Variants in HLCS observed in about 807,000 individuals in gnomAD.
HLCS encodes holocarboxylase synthetase.
HLCS carries 53 observed loss-of-function variants against 75.0 expected under a neutral mutation model. That is an observed-to-expected ratio of 0.71 (90% CI 0.57 to 0.89). The LOEUF (loss-of-function observed/expected upper bound fraction) is 0.89, where lower values mean the gene tolerates loss of function less well. HLCS is among the 40% of genes least tolerant of loss of function. The pLI is 0.00. For synonymous variants in HLCS, 431 were observed against 428.6 expected, an observed-to-expected ratio of 1.01 and a Z score of -0.07; for missense variants, 966 against 1,074.0, an observed-to-expected ratio of 0.90 and a Z score of 1.41.
chr21:36,768,687 C>T (rs750867211), intron 6 of HLCS, among the ~76,000 whole-genome samples: 12 of 152,208 alleles, frequency 7.9e-5, no homozygotes, highest in Admixed American at 2.6e-4. Flanking sequence ...CTGGCCTCGC[C>T]GCCCATGTGC....
chr21:36,911,016 C>T (rs2146398162), intron 5 of HLCS, among the ~76,000 whole-genome samples: 1 of 152,356 alleles, frequency 6.6e-6, no homozygotes, highest in Non-Finnish European at 1.5e-5. Context: ...CACTTAGGGA[C>T]ACCCTCGGGC....
chr21:36,966,622 C>T lies in HLCS; in HGVS notation c.17G>A (p.Cys6Tyr), dbSNP rs1411238033. 1.0e-5 allele frequency: 10 copies of T among 983,784 alleles called. No homozygotes were observed. In the South Asian group the frequency reaches 3.7e-4, roughly 37 times the overall value. The allele number at this position is 983,784 out of a possible 1,614,324, so 60.9% of individuals were successfully genotyped here. The change falls in exon 1 of 11, where the codon TGC becomes TAC. Residue 6 changes from cysteine (C) to tyrosine (Y), a missense_variant. By Grantham distance (194) the Cys-to-Tyr change is radical. Transcript: ENST00000674895. The stretch of plus-strand genomic sequence containing the variant: ...CCAGCGCGCCCACAGGTACAGGTAG[C>T]ACAGCGTGATGAGCATGGCCGCGCC... MLITL[C>Y]YLYLWARWGR...
chr21:36,937,863 G>C (rs1188202608), intron 3 of HLCS, among the ~76,000 whole-genome samples: 1 of 152,194 alleles, frequency 6.6e-6, no homozygotes, highest in Non-Finnish European at 1.5e-5. Flanking sequence ...CCAGTATCTT[G>C]TCTCAGGACT....
At chr21:36,960,134 C>T (rs1461892522) in intron 2 of HLCS, among the ~76,000 whole-genome samples, 166 of 9,266 alleles carry the variant, frequency 0.018, 5 homozygotes, top group Admixed American at 0.17. Flanking sequence ...GCCACCCACC[C>T]CCCCCCCCCC....
chr21:36,823,503 C>T (rs949937209), intron 6 of HLCS, among the ~76,000 whole-genome samples: 6 of 152,030 alleles, frequency 3.9e-5, no homozygotes, highest in East Asian at 1.9e-4. Flanking sequence ...GGATGCAAGA[C>T]GACTCAGGAA....
chr21:36,938,695 A>G (rs535443891), intron 3 of HLCS, 137 bp downstream of exon 3: 33 of 812,488 alleles, frequency 4.1e-5, no homozygotes, highest in Admixed American at 3.3e-4. Flanking sequence ...TTTTGGAGAT[A>G]GGGGTCTATG....
chr21:36,978,075 G>T lies in HLCS; in HGVS notation c.-393+12083C>A, dbSNP rs1279171849. 2.0e-5 allele frequency among the ~76,000 whole-genome samples: 3 copies of T among 152,170 alleles called. No individual in the cohort carries two copies. The East Asian group carries it at 5.8e-4, about 29-fold the overall frequency. ...TTTTCCTCAACTGGTCAATCATGGT[G>T]CCAGAAATCCCAACCACTTGAAGTG... On this transcript the variant is annotated intron_variant, in intron 1 of 11. Transcript: ENST00000336648.
chr21:36,764,932 G>C, intron 8 of HLCS, 80 bp downstream of exon 8: 1 of 1,478,256 alleles, frequency 6.8e-7, no homozygotes, highest in East Asian at 2.3e-5. Flanking sequence ...CACCAATTAT[G>C]CAAGCACATG....
intron 6 of HLCS, among the ~76,000 whole-genome samples, chr21:36,890,581 A>G (rs1038368131): frequency 6.6e-6 from 1 of 152,136 alleles, no homozygotes; most frequent in Non-Finnish European, 1.5e-5. Context: ...GTGGAGACAC[A>G]AGGTGAAGGC....
intron 6 of HLCS, among the ~76,000 whole-genome samples, chr21:36,772,406 G>A (rs1329475464): frequency 1.3e-5 from 2 of 151,974 alleles, no homozygotes; most frequent in Non-Finnish European, 2.9e-5. Context: ...GGAGGCTGAG[G>A]TGGGTGGATC....
At chr21:36,969,249 G>A (rs2068719622), upstream of HLCS, among the ~76,000 whole-genome samples, 1 of 152,116 alleles carries the variant, frequency 6.6e-6, no homozygotes, top group African/African-American at 2.4e-5. Context: ...ATATAACAAA[G>A]GAATAGGGGA....
intron 6 of HLCS, among the ~76,000 whole-genome samples, chr21:36,814,912 G>A (rs139838366): frequency 1.4e-4 from 21 of 152,314 alleles, no homozygotes; most frequent in African/African-American, 3.6e-4. Flanking sequence ...AAGACCCGGT[G>A]CAATGGGTGG....
intron 10 of HLCS, 109 bp from the exon 11 acceptor site, chr21:36,754,526 G>A: frequency 8.8e-7 from 1 of 1,142,158 alleles, no homozygotes; most frequent in Non-Finnish European, 1.3e-6. Context: ...TGGGGAGAGG[G>A]CTGAGGCTCG....
intron 5 of HLCS, among the ~76,000 whole-genome samples, chr21:36,911,515 C>T (rs1445321342): frequency 2.6e-5 from 4 of 151,868 alleles, no homozygotes; most frequent in African/African-American, 4.8e-5. Flanking sequence ...GAGGCTGAGG[C>T]GGGCGGATCA....
In HLCS at chr21:36,874,495, C is replaced by T. The variant is rs566996199; in HGVS notation, c.1892+22365G>A. Among the ~76,000 whole-genome samples, 5 of 152,142 alleles carry T rather than the reference C, an allele frequency of 3.3e-5. No individual in the cohort carries two copies. In the South Asian group the frequency reaches 1.0e-3, roughly 32 times the overall value. On this transcript the variant is annotated intron_variant, in intron 6 of 10. Transcript: ENST00000674895. ...TTCCAGGGTATTCTGCTCTATTGTT[C>T]TATTTTCTTGTTAATGCCAGTACCA...
rs1601951357 is a variant in HLCS at position 36,989,037 on chromosome 21, TATTTA to T, written c.-393+1116_-393+1120del. 5.2e-5 allele frequency among the ~76,000 whole-genome samples: 7 copies of T among 133,844 alleles called. No homozygotes were observed. In the East Asian group the frequency reaches 8.2e-4, roughly 16 times the overall value. The allele number at this position is 133,844 out of a possible 152,430, so 87.8% of individuals were successfully genotyped here. On this transcript the variant is annotated intron_variant, in intron 1 of 11. Transcript: ENST00000336648. ...TTAATTTTATTTTATTTTATTTATT[TATTTA>T]TTTATTTTTTTTGAGACAGGGTCTC...
chr21:36,935,982 C>G (rs75336974), intron 4 of HLCS, among the ~76,000 whole-genome samples: 1,530 of 152,328 alleles, frequency 0.01, 26 homozygotes, highest in African/African-American at 0.035. Flanking sequence ...TCAACACCAA[C>G]TACCTTGGCA....
chr21:36,952,153 C>T (rs545781603), intron 2 of HLCS, among the ~76,000 whole-genome samples: 1 of 152,190 alleles, frequency 6.6e-6, no homozygotes, highest in Admixed American at 6.5e-5. Flanking sequence ...TACCTTAGGA[C>T]CCTGTTAAAT....
chr21:36,845,673 C>T (rs977459720), intron 6 of HLCS, among the ~76,000 whole-genome samples: 1 of 152,054 alleles, frequency 6.6e-6, no homozygotes, highest in Non-Finnish European at 1.5e-5. Flanking sequence ...GACTGAGGGT[C>T]GGCAAAGAGG....
Sources: gnomAD v4.1 joint callset for allele counts (sites outside exome capture counted in the v4.1 genomes callset) on GRCh38, gnomAD v4.1.1 for gene constraint, MANE v1.5 for transcripts, NCBI Gene and HGNC (gene_info 2026-07-23, HGNC 2026-07-21) for gene names.